Variants in LRRC71 observed in about 807,000 individuals in gnomAD.
LRRC71 encodes leucine-rich repeat-containing protein 71.
A neutral mutation model predicts 66.6 loss-of-function variants in LRRC71; 54 were observed. The ratio of observed to expected loss-of-function variants is 0.81; its 90% CI spans 0.65 to 1.02. The LOEUF is 1.02. Ranked by LOEUF, LRRC71 falls within the 50% of genes least tolerant of loss-of-function variation. The pLI, the probability that LRRC71 is intolerant of heterozygous loss-of-function variation, is 0.00. For missense variants in LRRC71, 724 were observed against 718.0 expected (o/e 1.01, Z -0.10); for synonymous variants, 323 against 303.9 (o/e 1.06, Z -0.65).
At chr1:156,937,530 C>CA, downstream of LRRC71, 1 of 1,503,118 alleles carries the variant, frequency 6.7e-7, no homozygotes, top group Non-Finnish European at 8.9e-7. Context: ...GATCAGGAGG[C>CA]AAACAGAGAA....
chr1:156,921,179 A>T (rs1652304769), intron 1 of LRRC71, among the ~76,000 whole-genome samples: 2 of 152,252 alleles, frequency 1.3e-5, no homozygotes, highest in Admixed American at 6.5e-5. Flanking sequence ...GTGATAAGAT[A>T]TAGAAGAGAG....
chr1:156,927,065 A>G, intron 5 of LRRC71, 137 bp from the exon 6 acceptor site: 1 of 718,068 alleles, frequency 1.4e-6, no homozygotes, highest in Non-Finnish European at 2.3e-6. Context: ...ATTGTCACAT[A>G]TATTTCCTAT....
intron 9 of LRRC71, among the ~76,000 whole-genome samples, chr1:156,928,417 C>T (rs1390573198): frequency 0.016 from 617 of 38,242 alleles, 1 homozygote; most frequent in East Asian, 0.086. Flanking sequence ...CCTCTTATTC[C>T]TCCTCCTCCT....
At chr1:156,924,369 C>T (rs541884140) in intron 2 of LRRC71, 55 bp from the exon 3 acceptor site, 44 of 1,525,578 alleles carry the variant, frequency 2.9e-5, no homozygotes, top group Non-Finnish European at 3.8e-5. Flanking sequence ...TGGGCCGGCC[C>T]GGCGTGGGGC....
chr1:156,932,792 T>G, intron 14 of LRRC71, 61 bp from the exon 15 acceptor site: 4 of 1,527,974 alleles, frequency 2.6e-6, no homozygotes, highest in Admixed American at 4.0e-5. Context: ...ATTTTTTTTT[T>G]TCTGCCAGAG....
chr1:156,932,040 A>G lies in LRRC71; in HGVS notation c.1441+13A>G. The G allele has an allele frequency of 6.4e-7, 1 of 1,568,652 alleles. No individual in the cohort carries two copies. Among genetic ancestry groups the G allele is most frequent in the Non-Finnish European group, 8.7e-7 (1 of 1,154,466 alleles). ...CTCAACCTCATCCGTATGTCTGCCA[A>G]CCTCCCCTGTCCTCCTGTCATGAGG... On this transcript the variant is annotated intron_variant, in intron 13 of 14. Transcript: ENST00000337428.
chr1:156,920,901 C>G lies in LRRC71; in HGVS notation c.98C>G (p.Ala33Gly), dbSNP rs1333786736. The change falls in exon 1 of 15, where the codon GCG (alanine) becomes GGG (glycine). Residue 33 changes from alanine to glycine, a missense_variant. By Grantham distance (60) the Ala-to-Gly change is moderately conservative. Coordinates refer to ENST00000337428, the MANE Select transcript of LRRC71 (RefSeq NM_144702.3). The surrounding 1 kb of genome is among the most constrained non-coding windows in gnomAD (Gnocchi z 4.9). ...GCGGTGACCAAAAAGGGAGAGCGCG[C>G]GGCCAAAGAGAAGCCAGCGACCGTT... is the stretch of plus-strand genomic sequence containing the variant. ...SGAVTKKGER[A>G]AKEKPATVLP... The G allele has an allele frequency of 4.5e-6, 7 of 1,540,006 alleles. No homozygotes were observed. Among genetic ancestry groups the G allele is most frequent in the Middle Eastern group, 1.9e-4 (1 of 5,222 alleles).
At chr1:156,930,050 C>CTTTA in intron 11 of LRRC71, among the ~76,000 whole-genome samples, 1 of 135,938 alleles carries the variant, frequency 7.4e-6, no homozygotes, top group Non-Finnish European at 1.6e-5. Flanking sequence ...CTTTCTCTTT[C>CTTTA]TTTCTTTCTT....
downstream of LRRC71, chr1:156,933,168 A>G (rs990092024): frequency 5.8e-6 from 3 of 518,116 alleles, no homozygotes; most frequent in African/African-American, 5.8e-5. Flanking sequence ...ACATGCCAGG[A>G]ATGGCAGAAA....
At chr1:156,930,026 T>TTTTTTCTTTCTTTCTCTTTCTTTC (rs1214185346) in intron 11 of LRRC71, among the ~76,000 whole-genome samples, 4 of 117,752 alleles carry the variant, frequency 3.4e-5, no homozygotes, top group Admixed American at 8.0e-5. Context: ...TTTTCTTTTC[T>TTTTTTCTTTCTTTCTCTTTCTTTC]TTTCTTTTTC....
In LRRC71 at chr1:156,924,467, G is replaced by C. The variant is rs778802924; in HGVS notation, c.354G>C (p.Glu118Asp). 6.4e-7 allele frequency: 1 copy of C among 1,551,308 alleles called. No individual in the cohort carries two copies. Among genetic ancestry groups the C allele is most frequent in the African/African-American group, 1.4e-5 (1 of 73,184 alleles). The change falls in exon 3 of 15, where the codon GAG (glutamate) becomes GAC (aspartate). Residue 118 changes from glutamate to aspartate, a missense_variant. Physicochemically the swap from Glu to Asp is conservative, Grantham distance 45. Coordinates refer to ENST00000337428, the MANE Select transcript of LRRC71 (RefSeq NM_144702.3). ...LSGSCSLNSLESKYVFFRPTI... is the reference protein window; with the variant it reads ...LSGSCSLNSLDSKYVFFRPTI... ...GGTCCTGCAGCCTCAATAGCCTGGA[G>C]AGCAAATACGTGTTCTTCCGGCCCA...
chr1:156,924,227 G>C lies in LRRC71; in HGVS notation c.310+129G>C, dbSNP rs939693282. On this transcript the variant is annotated intron_variant, in intron 2 of 14. Transcript: ENST00000337428. ...TGTGTGAGTCGGCGGTATTCGACGAGGCCGGTGGGGAGGTGGGGGAGTCTC... is the reference window on the plus strand; with the variant it reads ...TGTGTGAGTCGGCGGTATTCGACGACGCCGGTGGGGAGGTGGGGGAGTCTC... 3.2e-6 allele frequency: 4 copies of C among 1,261,172 alleles called. No homozygotes were observed. In the South Asian group the frequency reaches 5.8e-5, roughly 18 times the overall value. 78.1% of individuals were successfully genotyped at this position (1,261,172 alleles called of 1,614,324 possible).
At chr1:156,937,131 G>A (rs1655585999), downstream of LRRC71, 2 of 1,569,078 alleles carry the variant, frequency 1.3e-6, no homozygotes, top group Non-Finnish European at 1.7e-6. Context: ...GCTGGGGGAA[G>A]ATCCCTGGGC....
chr1:156,937,472 G>A (rs201107480), downstream of LRRC71: 135 of 1,532,012 alleles, frequency 8.8e-5, no homozygotes, highest in African/African-American at 1.8e-3. Flanking sequence ...GGGTCCTGAT[G>A]GCATGCTGAC....
At chr1:156,933,255 G>A (rs932946741), downstream of LRRC71, among the ~76,000 whole-genome samples, 1 of 152,220 alleles carries the variant, frequency 6.6e-6, no homozygotes, top group Admixed American at 6.5e-5. Context: ...TTGCCGTTCT[G>A]CCTCCTGGGG....
At chr1:156,936,480 G>GAAA (rs35863393), downstream of LRRC71, among the ~76,000 whole-genome samples, 82 of 48,014 alleles carry the variant, frequency 1.7e-3, no homozygotes, top group African/African-American at 7.9e-3. Context: ...CAAATAAATA[G>GAAA]AAAAAAAAAA....
In LRRC71 at chr1:156,923,992, G is replaced by T. The variant is rs1022831785; in HGVS notation, c.204G>T (p.Glu68Asp). Residue 68 changes from glutamate to aspartate, a missense_variant, in exon 2 of 15, where the codon GAG becomes GAT. Coordinates refer to ENST00000337428, the MANE Select transcript of LRRC71 (RefSeq NM_144702.3). ...CSGVLETDFA[E>D]LCTRWGYTDF... ...GGGTCCTCGAGACCGACTTCGCCGA[G>T]CTCTGCACGCGGTGGGGCTACACGG... The T allele has an allele frequency of 4.5e-6, 7 of 1,544,726 alleles. No individual in the cohort carries two copies. The highest frequency in any genetic ancestry group is 6.1e-6 in the Non-Finnish European group (7 of 1,143,812).
At chr1:156,924,612 T>G in intron 3 of LRRC71, 31 bp from the exon 4 acceptor site, 1 of 1,396,392 alleles carries the variant, frequency 7.2e-7, no homozygotes, top group Non-Finnish European at 9.5e-7. Context: ...GCCTCCCAGG[T>G]CTGAGGCACC....
chr1:156,940,291 C>T, the LRRC71 span: 1 of 1,613,596 alleles, frequency 6.2e-7, no homozygotes, highest in Non-Finnish European at 8.5e-7. Flanking sequence ...GTCCTGATGC[C>T]CCTGTTCTCT....
Sources: gnomAD v4.1 joint callset for allele counts (sites outside exome capture counted in the v4.1 genomes callset) on GRCh38, gnomAD v4.1.1 for gene constraint, Gnocchi (gnomAD v3.1) non-coding constraint, MANE v1.5 for transcripts, NCBI Gene and HGNC (gene_info 2026-07-23, HGNC 2026-07-21) for gene names.